PATJ: variants seen among roughly 807,000 people sequenced by gnomAD.
PATJ encodes the protein PATJ crumbs cell polarity complex component.
A neutral mutation model predicts 224.9 loss-of-function variants in PATJ; 190 were observed. The ratio of observed to expected loss-of-function variants is 0.84; its 90% confidence interval spans 0.75 to 0.95. PATJ has a LOEUF of 0.95. Among genes scored for constraint, PATJ ranks in the 40% least tolerant of loss-of-function variants. PATJ has a pLI of 0.00. For missense variants in PATJ, 2,121 were observed against 2,270.3 expected (o/e 0.93, Z 1.34); for synonymous variants, 769 against 820.3 (o/e 0.94, Z 1.07).
intron 41 of PATJ, among the ~76,000 whole-genome samples, chr1:62,130,327 C>A (rs1373209020): frequency 6.6e-6 from 1 of 152,104 alleles, no homozygotes; most frequent in Non-Finnish European, 1.5e-5. Context: ...GAGTGAGACC[C>A]TGGCTCAAAA....
At chr1:62,053,163 C>T (rs769092422) in intron 31 of PATJ, among the ~76,000 whole-genome samples, 3 of 152,180 alleles carry the variant, frequency 2.0e-5, no homozygotes, top group Non-Finnish European at 4.4e-5. Context: ...AGGCAGAGGG[C>T]CTGGAGGCCT....
At chr1:61,838,521 A>ATTTTTTTTTTTTTT (rs34877280) in intron 17 of PATJ, among the ~76,000 whole-genome samples, 29 of 115,558 alleles carry the variant, frequency 2.5e-4, no homozygotes, top group East Asian at 6.9e-4. Context: ...CGCCTGGCTA[A>ATTTTTTTTTTTTTT]TTTTTTTTTT....
At chr1:62,022,743 A>G (rs929177881) in intron 29 of PATJ, among the ~76,000 whole-genome samples, 12 of 152,202 alleles carry the variant, frequency 7.9e-5, no homozygotes, top group African/African-American at 2.9e-4. Context: ...GCTAAAGGAA[A>G]CGAGATGAAA....
At chr1:61,810,669 C>T (rs373057973) in intron 14 of PATJ, among the ~76,000 whole-genome samples, 47 of 151,702 alleles carry the variant, frequency 3.1e-4, no homozygotes, top group African/African-American at 1.1e-3. Flanking sequence ...TGCACTCCAG[C>T]CTGGGCAACA....
intron 4 of PATJ, among the ~76,000 whole-genome samples, chr1:61,767,409 C>T (rs1034538869): frequency 6.6e-6 from 1 of 151,944 alleles, no homozygotes; most frequent in African/African-American, 2.4e-5. Context: ...CATGGTGGCA[C>T]TCACCTGTAG....
At chr1:61,835,923 T>C (rs1660105256) in intron 17 of PATJ, among the ~76,000 whole-genome samples, 1 of 152,210 alleles carries the variant, frequency 6.6e-6, no homozygotes, top group Admixed American at 6.5e-5. Flanking sequence ...TTTCTATTAT[T>C]GTAGGAATCT....
intron 41 of PATJ, among the ~76,000 whole-genome samples, chr1:62,138,087 T>G (rs1362031857): frequency 6.6e-6 from 1 of 152,124 alleles, no homozygotes; most frequent in Non-Finnish European, 1.5e-5. Flanking sequence ...TTACTAAATA[T>G]TTGATCATAA....
intron 33 of PATJ, among the ~76,000 whole-genome samples, chr1:62,085,214 A>T (rs1319557790): frequency 1.3e-5 from 2 of 152,120 alleles, no homozygotes; most frequent in Non-Finnish European, 2.9e-5. Context: ...ATGAGCTGAG[A>T]TCGTGCTACT....
chr1:61,911,255 C>T (rs1055682551), intron 25 of PATJ, among the ~76,000 whole-genome samples: 4 of 152,050 alleles, frequency 2.6e-5, no homozygotes, highest in Middle Eastern at 3.2e-3. Flanking sequence ...CGCTCTTCGC[C>T]CAGGCTGGAA....
rs576200752 is a variant in PATJ, at chr1:61,789,806, T to C, written c.1069-1542T>C. ...CAGCCTCGGTGACAGAGTGAGACTC[T>C]GTCTCAAAAAAATAAAAAGTTTCTC... On this transcript the variant is annotated intron_variant, in intron 8 of 43. Transcript: ENST00000642238. Among the ~76,000 whole-genome samples the C allele has an allele frequency of 1.1e-4, 17 of 152,252 alleles. 1 individual carries two copies. The South Asian group carries it at 3.5e-3, about 32-fold the overall frequency.
In PATJ at chr1:62,056,061, G is replaced by C. The variant is rs562339765; in HGVS notation, c.4125+5003G>C. Reference sequence around the variant, plus strand: ...GAATTCACCTTTCCTCTGCCTTTTTGTTCTACCTGGCCCTCCGCCAATTGG... The same window carrying C: ...GAATTCACCTTTCCTCTGCCTTTTTCTTCTACCTGGCCCTCCGCCAATTGG... On this transcript the variant is annotated intron_variant, in intron 31 of 43. Coordinates refer to ENST00000642238, the MANE Select transcript of PATJ (RefSeq NM_001350145.3). 3.3e-5 allele frequency among the ~76,000 whole-genome samples: 5 copies of C among 152,216 alleles called. No homozygotes were observed. In the South Asian group the frequency reaches 1.0e-3, roughly 32 times the overall value.
intron 1 of PATJ, among the ~76,000 whole-genome samples, chr1:61,749,863 C>G (rs1199390508): frequency 6.6e-6 from 1 of 151,632 alleles, no homozygotes; most frequent in East Asian, 1.9e-4. Context: ...ATTTTTTTGT[C>G]AAGATGGGGT....
At chr1:62,026,431 A>T (rs1472138600) in intron 29 of PATJ, among the ~76,000 whole-genome samples, 22 of 150,538 alleles carry the variant, frequency 1.5e-4, no homozygotes. Context: ...AGGCCTGGTG[A>T]GTTGTGTTGA....
At chr1:61,773,810 A>C (rs2148385967) in intron 6 of PATJ, among the ~76,000 whole-genome samples, 1 of 150,632 alleles carries the variant, frequency 6.6e-6, no homozygotes, top group Non-Finnish European at 1.5e-5. Context: ...AAAAACAAAA[A>C]AAAACACCCC....
intron 34 of PATJ, among the ~76,000 whole-genome samples, chr1:62,112,525 C>T (rs1282218597): frequency 1.3e-5 from 2 of 151,994 alleles, no homozygotes; most frequent in Non-Finnish European, 2.9e-5. Flanking sequence ...AAAGAAAAAG[C>T]CTTAGACCAT....
chr1:61,874,757 G>GTAGGTTT (rs1261669858), intron 20 of PATJ, among the ~76,000 whole-genome samples: 3 of 152,350 alleles, frequency 2.0e-5, no homozygotes, highest in South Asian at 2.1e-4. Flanking sequence ...GCACTTATCT[G>GTAGGTTT]TAGGTTTTAG....
intron 31 of PATJ, among the ~76,000 whole-genome samples, chr1:62,064,924 G>A (rs1050702921): frequency 6.6e-6 from 1 of 152,156 alleles, no homozygotes; most frequent in Non-Finnish European, 1.5e-5. Flanking sequence ...AGGAGTCTAG[G>A]AATTCCCTCT....
At chr1:61,971,842 A>G (rs374898419) in intron 27 of PATJ, among the ~76,000 whole-genome samples, 1 of 151,070 alleles carries the variant, frequency 6.6e-6, no homozygotes, top group Non-Finnish European at 1.5e-5. Flanking sequence ...AAAAAAAAAA[A>G]TCCAGGTACA....
chr1:62,132,798 C>G (rs559665558), intron 41 of PATJ, among the ~76,000 whole-genome samples: 6 of 150,044 alleles, frequency 4.0e-5, no homozygotes, highest in Admixed American at 2.0e-4. Flanking sequence ...CAGCTACTGG[C>G]GAGGCTGGGG....
Sources: allele counts gnomAD v4.1 joint callset (sites outside exome capture counted in the v4.1 genomes callset), GRCh38; gene constraint gnomAD v4.1.1; transcripts MANE v1.5; gene names NCBI Gene and HGNC (gene_info 2026-07-23, HGNC 2026-07-21).